SOX6: variants seen among roughly 807,000 people sequenced by gnomAD.
SOX6 encodes SRY-box transcription factor 6.
Under a neutral mutation model 97.8 loss-of-function variants are expected in SOX6, and 11 were observed. The ratio of observed to expected loss-of-function variants is 0.11; its 90% confidence interval spans 0.07 to 0.19. SOX6 has a LOEUF of 0.19. SOX6 is among the 10% of genes least tolerant of loss of function. The pLI, the probability that SOX6 is intolerant of heterozygous loss-of-function variation, is 1.00. For missense variants in SOX6, 810 were observed against 1,039.5 expected (o/e 0.78, Z 3.04); for synonymous variants, 360 against 371.4 (o/e 0.97, Z 0.35).
chr11:16,710,219 G>A (rs935570751), intron 3 of SOX6, among the ~76,000 whole-genome samples: 10 of 152,202 alleles, frequency 6.6e-5, no homozygotes, highest in Non-Finnish European at 1.3e-4. Context: ...CCTATTCAAC[G>A]TTTCTAAAAT....
At chr11:16,229,086 C>T (rs971946349) in intron 4 of SOX6, among the ~76,000 whole-genome samples, 1 of 152,152 alleles carries the variant, frequency 6.6e-6, no homozygotes, top group Non-Finnish European at 1.5e-5. Context: ...ACCTACCCAT[C>T]ACATAGAATT....
intron 3 of SOX6, among the ~76,000 whole-genome samples, chr11:16,626,891 T>C (rs1012170078): frequency 2.6e-5 from 4 of 152,228 alleles, no homozygotes; most frequent in Admixed American, 6.5e-5. Context: ...TACTGCGTGA[T>C]GCTGAGGTTT....
intron 1 of SOX6, among the ~76,000 whole-genome samples, chr11:16,427,965 A>G (rs1373018218): frequency 1.3e-5 from 2 of 151,972 alleles, no homozygotes; most frequent in Admixed American, 6.6e-5. Context: ...AAGTGTTCCT[A>G]TTTCTCCACA....
rs77789675 is a variant in SOX6 at position 16,100,944 on chromosome 11, C to T, written c.899-3256G>A. Among the ~76,000 whole-genome samples the T allele has an allele frequency of 9.0e-3, 1,361 of 151,566 alleles. 20 individuals carry two copies. The highest frequency in any genetic ancestry group is 0.031 in the African/African-American group (1,275 of 41,446). On this transcript the variant is annotated intron_variant, in intron 7 of 15. Coordinates refer to ENST00000683767, the MANE Select transcript of SOX6 (RefSeq NM_001367873.1). The stretch of plus-strand genomic sequence containing the variant: ...AAAAAAATAAAACAGAACTAGAAGA[C>T]GGGACAAAAGATTCTTCAGTCGCAT...
chr11:16,441,831 C>G (rs2133086425), intron 1 of SOX6, among the ~76,000 whole-genome samples: 1 of 152,252 alleles, frequency 6.6e-6, no homozygotes, highest in South Asian at 2.1e-4. Flanking sequence ...CTCACAGCTC[C>G]AGAAACACGC....
intron 4 of SOX6, among the ~76,000 whole-genome samples, chr11:16,496,319 A>T (rs770348318): frequency 0.04 from 28 of 704 alleles, no homozygotes; most frequent in Non-Finnish European, 0.21. Context: ...ACATGGATTA[A>T]AAAAAAAAAA....
chr11:16,148,073 A>G (rs1219255203), intron 6 of SOX6, among the ~76,000 whole-genome samples: 5 of 152,188 alleles, frequency 3.3e-5, no homozygotes, highest in Admixed American at 3.3e-4. Context: ...ATAGCCATTG[A>G]AATGTAGTTG....
chr11:16,375,930 A>G (rs1451098927), intron 1 of SOX6, among the ~76,000 whole-genome samples: 1 of 152,164 alleles, frequency 6.6e-6, no homozygotes, highest in Non-Finnish European at 1.5e-5. Flanking sequence ...ACACAGGGAC[A>G]GAAAATCAAA....
At chr11:16,075,064 C>T (rs184424401) in intron 9 of SOX6, among the ~76,000 whole-genome samples, 2 of 151,776 alleles carry the variant, frequency 1.3e-5, no homozygotes, top group South Asian at 2.1e-4. Flanking sequence ...AATATAGAGC[C>T]CAGAAAAAAA....
chr11:16,508,550 G>A (rs1401421603), intron 4 of SOX6, among the ~76,000 whole-genome samples: 1 of 152,042 alleles, frequency 6.6e-6, no homozygotes, highest in Non-Finnish European at 1.5e-5. Flanking sequence ...GGAACTGGAG[G>A]TCATTATGTT....
At chr11:16,095,959 C>T (rs766663260) in intron 9 of SOX6, 37 bp downstream of exon 9, 13 of 1,606,260 alleles carry the variant, frequency 8.1e-6, no homozygotes, top group South Asian at 6.6e-5. Context: ...ACAATCCAGT[C>T]CCCAACCCAA....
intron 4 of SOX6, 126 bp from the exon 5 acceptor site, chr11:16,187,081 C>CCCAGACTGTACCCAGA: frequency 1.0e-6 from 1 of 996,738 alleles, no homozygotes; most frequent in African/African-American, 1.6e-5. Flanking sequence ...TGACTGGAGG[C>CCCAGACTGTACCCAGA]CATTGAGGGT....
chr11:16,597,803 C>T (rs899947303), intron 4 of SOX6, among the ~76,000 whole-genome samples: 1 of 151,916 alleles, frequency 6.6e-6, no homozygotes, highest in African/African-American at 2.4e-5. Context: ...ATGAAATGAC[C>T]TTTCAAACTC....
intron 3 of SOX6, among the ~76,000 whole-genome samples, chr11:16,271,955 A>G (rs923281166): frequency 2.7e-5 from 4 of 150,564 alleles, no homozygotes; most frequent in Admixed American, 2.7e-4. Context: ...TTACTCTGTA[A>G]TTTTACTGAT....
At chr11:16,163,049 G>A (rs1472169917) in intron 6 of SOX6, among the ~76,000 whole-genome samples, 1 of 151,644 alleles carries the variant, frequency 6.6e-6, no homozygotes, top group Non-Finnish European at 1.5e-5. Flanking sequence ...AAAAAGAGTG[G>A]AAAGATAGTG....
chr11:16,574,989 G>A (rs935979774), intron 4 of SOX6, among the ~76,000 whole-genome samples: 14 of 149,300 alleles, frequency 9.4e-5, no homozygotes, highest in African/African-American at 2.0e-4. Context: ...GCAGTGAGCT[G>A]AGATCACACC....
chr11:16,156,037 G>A (rs1200735940), intron 6 of SOX6, among the ~76,000 whole-genome samples: 1 of 151,942 alleles, frequency 6.6e-6, no homozygotes, highest in African/African-American at 2.4e-5. Context: ...CAGTTCCAGT[G>A]ATTTAGATTG....
intron 4 of SOX6, among the ~76,000 whole-genome samples, chr11:16,580,223 GA>G (rs1370756076): frequency 6.6e-6 from 1 of 152,014 alleles, no homozygotes; most frequent in Non-Finnish European, 1.5e-5. Flanking sequence ...TAAAATATAA[GA>G]AGCACTTCTC....
At chr11:16,663,077 T>C (rs1289928819) in intron 3 of SOX6, among the ~76,000 whole-genome samples, 2 of 150,066 alleles carry the variant, frequency 1.3e-5, no homozygotes, top group African/African-American at 2.5e-5. Flanking sequence ...AAACCAAAAA[T>C]AGAAGGAAAT....
Sources: allele counts gnomAD v4.1 joint callset (sites outside exome capture counted in the v4.1 genomes callset), GRCh38; gene constraint gnomAD v4.1.1; transcripts MANE v1.5; gene names NCBI Gene and HGNC (gene_info 2026-07-23, HGNC 2026-07-21).